PDIA5: variants seen among roughly 807,000 people sequenced by gnomAD.
The protein encoded by PDIA5 is protein disulfide-isomerase A5.
In PDIA5, 58 loss-of-function variants were observed where a neutral mutation model predicts 77.6. The ratio of observed to expected loss-of-function variants is 0.75; its 90% CI spans 0.61 to 0.93. PDIA5 has a LOEUF of 0.93. Ranked by LOEUF, PDIA5 falls within the 40% of genes least tolerant of loss-of-function variation. The pLI, the probability that PDIA5 is intolerant of heterozygous loss-of-function variation, is 0.00. For missense variants in PDIA5, 630 were observed against 647.7 expected (o/e 0.97, Z 0.30); for synonymous variants, 250 against 252.1 (o/e 0.99, Z 0.08).
At chr3:123,093,815 C>A (rs900250700) in intron 3 of PDIA5, among the ~76,000 whole-genome samples, 6 of 152,140 alleles carry the variant, frequency 3.9e-5, no homozygotes, top group Non-Finnish European at 7.3e-5. Flanking sequence ...TTCACAGAGG[C>A]GGTCGAGTTC....
intron 5 of PDIA5, among the ~76,000 whole-genome samples, chr3:123,105,563 C>T (rs1049796167): frequency 2.8e-4 from 42 of 152,216 alleles, no homozygotes; most frequent in African/African-American, 9.9e-4. Flanking sequence ...GGAAGCACTA[C>T]CTGAATGAAA....
chr3:123,126,473 AGG>A (rs1435805176), intron 10 of PDIA5, among the ~76,000 whole-genome samples: 2 of 152,202 alleles, frequency 1.3e-5, no homozygotes, highest in South Asian at 4.1e-4. Context: ...CAACTAAGAT[AGG>A]CTTATTATAG....
At chr3:123,104,702 A>C (rs973820500) in intron 5 of PDIA5, among the ~76,000 whole-genome samples, 1 of 152,194 alleles carries the variant, frequency 6.6e-6, no homozygotes, top group African/African-American at 2.4e-5. Flanking sequence ...TTACTATAGA[A>C]GTGGTAAGGG....
chr3:123,088,574 C>T (rs1485112589), intron 1 of PDIA5, among the ~76,000 whole-genome samples: 1 of 152,170 alleles, frequency 6.6e-6, no homozygotes, highest in Admixed American at 6.5e-5. Flanking sequence ...AGGGGGCTCT[C>T]GACTGATGTG....
intron 1 of PDIA5, among the ~76,000 whole-genome samples, chr3:123,083,699 C>T (rs373427480): frequency 3.9e-5 from 6 of 152,210 alleles, no homozygotes; most frequent in African/African-American, 1.4e-4. Flanking sequence ...ATAGTTTTTG[C>T]ATCATTAACG....
chr3:123,148,374 C>G (rs938592019), intron 13 of PDIA5, among the ~76,000 whole-genome samples: 8 of 151,976 alleles, frequency 5.3e-5, no homozygotes, highest in African/African-American at 1.9e-4. Flanking sequence ...TCAAGACCAG[C>G]CTGGGCAACA....
Position 123,130,617 on chromosome 3 carries a change from G to A in PDIA5, c.910+1G>A, listed in dbSNP as rs2107965935. On this transcript the variant is annotated splice_donor_variant, in intron 11 of 16. Coordinates refer to ENST00000316218, the MANE Select transcript of PDIA5 (RefSeq NM_006810.4). LOFTEE classifies it high-confidence loss of function. ...GTCCTCGTCATGTTCCACGCCCCAT[G>A]TGAGTGGAACTTTGCTCCTCCCCCT... The A allele has an allele frequency of 1.2e-6, 2 of 1,614,056 alleles. No homozygotes were observed. The highest frequency in any genetic ancestry group is 1.7e-6 in the Non-Finnish European group (2 of 1,179,930).
At chr3:123,141,284 A>G (rs1935627846) in intron 11 of PDIA5, among the ~76,000 whole-genome samples, 1 of 152,124 alleles carries the variant, frequency 6.6e-6, no homozygotes, top group Non-Finnish European at 1.5e-5. Context: ...CATGGAGGGT[A>G]TGGGGAGAGT....
intron 7 of PDIA5, 116 bp from the exon 8 acceptor site, chr3:123,116,115 T>C: frequency 1.2e-6 from 1 of 842,444 alleles, no homozygotes; most frequent in Non-Finnish European, 2.0e-6. Flanking sequence ...GTCCTGAGCT[T>C]CTCAAGGCTG....
chr3:123,119,315 C>G (rs896559469), intron 8 of PDIA5, among the ~76,000 whole-genome samples: 1 of 152,084 alleles, frequency 6.6e-6, no homozygotes, highest in African/African-American at 2.4e-5. Context: ...TAAAAGTTAC[C>G]CATTCCAGTT....
intron 8 of PDIA5, among the ~76,000 whole-genome samples, chr3:123,122,251 C>T (rs1426442722): frequency 6.6e-6 from 1 of 151,976 alleles, no homozygotes; most frequent in Non-Finnish European, 1.5e-5. Context: ...GGTGAATGTG[C>T]ACTGACACTG....
intron 10 of PDIA5, among the ~76,000 whole-genome samples, chr3:123,126,480 T>C (rs1935248903): frequency 6.6e-6 from 1 of 152,216 alleles, no homozygotes; most frequent in Admixed American, 6.5e-5. Context: ...GATAGGCTTA[T>C]TATAGAAAAA....
intron 2 of PDIA5, 57 bp downstream of exon 2, chr3:123,089,351 G>A: frequency 6.4e-7 from 1 of 1,564,964 alleles, no homozygotes; most frequent in Non-Finnish European, 8.8e-7. Context: ...GGATTCAGGG[G>A]AAGGAGTGGG....
intron 8 of PDIA5, among the ~76,000 whole-genome samples, chr3:123,122,882 C>T (rs1235386640): frequency 6.6e-6 from 1 of 152,160 alleles, no homozygotes; most frequent in Admixed American, 6.6e-5. Flanking sequence ...CTACTGCTGG[C>T]TTTTTTTACT....
intron 11 of PDIA5, among the ~76,000 whole-genome samples, chr3:123,136,548 G>A (rs1198155549): frequency 1.3e-5 from 2 of 152,100 alleles, no homozygotes; most frequent in Admixed American, 1.3e-4. Context: ...AGACCAGCCT[G>A]GCCAAGATGG....
chr3:123,116,171 G>C lies in PDIA5; in HGVS notation c.542-60G>C, dbSNP rs375062303. 14 of 1,391,978 alleles carry C rather than the reference G, an allele frequency of 1.0e-5. No homozygotes were observed. The South Asian group carries it at 1.5e-4, about 15-fold the overall frequency. The allele number at this position is 1,391,978 out of a possible 1,614,324, so 86.2% of individuals were successfully genotyped here. A position where few individuals can be genotyped will look rare whatever the true frequency, so the allele number is the denominator to read the frequency against. On this transcript the variant is annotated intron_variant, in intron 7 of 16. Coordinates refer to ENST00000316218, the MANE Select transcript of PDIA5 (RefSeq NM_006810.4). Reference sequence around the variant, plus strand: ...AGGATGGCCATGGGGAGGCAGGGCAGGGTGCAAGGGCTCAGCCATCCCTGT... The same window carrying C: ...AGGATGGCCATGGGGAGGCAGGGCACGGTGCAAGGGCTCAGCCATCCCTGT...
chr3:123,113,266 C>T (rs1934909303), intron 7 of PDIA5, among the ~76,000 whole-genome samples: 1 of 152,136 alleles, frequency 6.6e-6, no homozygotes, highest in Admixed American at 6.5e-5. Context: ...CGGGTGTAAC[C>T]AGGCAGGTCT....
intron 1 of PDIA5, among the ~76,000 whole-genome samples, chr3:123,088,846 T>C (rs1301391035): frequency 2.0e-5 from 3 of 152,228 alleles, no homozygotes; most frequent in African/African-American, 7.2e-5. Flanking sequence ...TTTACTGTTA[T>C]CCCGTTATTT....
At chr3:123,131,504 A>G (rs979393522) in intron 11 of PDIA5, among the ~76,000 whole-genome samples, 5 of 150,806 alleles carry the variant, frequency 3.3e-5, no homozygotes, top group African/African-American at 7.3e-5. Flanking sequence ...CTCTTACCTT[A>G]CAAGTGGTCG....
Sources: gnomAD v4.1 joint callset for allele counts (sites outside exome capture counted in the v4.1 genomes callset) on GRCh38, gnomAD v4.1.1 for gene constraint, MANE v1.5 for transcripts, NCBI Gene and HGNC (gene_info 2026-07-23, HGNC 2026-07-21) for gene names.